Variants in EPHB1 observed in about 807,000 individuals in gnomAD.
EPHB1 encodes the protein ephrin type-B receptor 1.
Under a neutral mutation model 94.4 loss-of-function variants are expected in EPHB1, and 30 were observed. The ratio of observed to expected loss-of-function variants is 0.32; its 90% CI spans 0.24 to 0.43. The LOEUF (loss-of-function observed/expected upper bound fraction) is 0.43, where lower values mean the gene tolerates loss of function less well. EPHB1 is among the 20% of genes least tolerant of loss of function. The pLI, the probability that EPHB1 is intolerant of heterozygous loss-of-function variation, is 1.00. For synonymous variants in EPHB1, 522 were observed against 489.1 expected, an observed-to-expected ratio of 1.07 and a Z score of -0.89; for missense variants, 1,055 against 1,308.3, an observed-to-expected ratio of 0.81 and a Z score of 2.99.
At chr3:135,250,018 C>T (rs1301371618) in intron 15 of EPHB1, among the ~76,000 whole-genome samples, 1 of 152,132 alleles carries the variant, frequency 6.6e-6, no homozygotes, top group East Asian at 1.9e-4. Flanking sequence ...AAGACGAGAG[C>T]CAGAAAGAGT....
intron 1 of EPHB1, among the ~76,000 whole-genome samples, chr3:134,841,822 G>C (rs374758496): frequency 6.6e-6 from 1 of 152,198 alleles, no homozygotes; most frequent in Non-Finnish European, 1.5e-5. Context: ...GTCTGGCATA[G>C]TCTGGATTTA....
intron 12 of EPHB1, among the ~76,000 whole-genome samples, chr3:135,226,429 C>T (rs542063677): frequency 6.6e-6 from 1 of 152,302 alleles, no homozygotes; most frequent in African/African-American, 2.4e-5. Flanking sequence ...CAGACATGCC[C>T]CTGGAGATCT....
intron 1 of EPHB1, among the ~76,000 whole-genome samples, chr3:134,923,870 C>G (rs968963234): frequency 2.0e-5 from 3 of 152,078 alleles, no homozygotes; most frequent in Non-Finnish European, 4.4e-5. Context: ...GAAGGGGAGG[C>G]AGTGGGAAGG....
At chr3:134,872,868 A>G (rs1002944675) in intron 1 of EPHB1, among the ~76,000 whole-genome samples, 1 of 152,194 alleles carries the variant, frequency 6.6e-6, no homozygotes, top group Non-Finnish European at 1.5e-5. Context: ...TCCCTTGTCT[A>G]GTACGGAGCC....
chr3:135,212,469 T>A (rs1943053339), intron 12 of EPHB1, among the ~76,000 whole-genome samples: 1 of 152,232 alleles, frequency 6.6e-6, no homozygotes, highest in Non-Finnish European at 1.5e-5. Context: ...ATTAACTTGG[T>A]TAGACTCAAT....
chr3:134,888,706 CAAAA>C (rs55786916), intron 1 of EPHB1, among the ~76,000 whole-genome samples: 1 of 109,696 alleles, frequency 9.1e-6, no homozygotes, highest in Non-Finnish European at 1.8e-5. Context: ...GACTCCATCT[CAAAA>C]AAAAAAAAAA....
chr3:135,127,966 A>G (rs139416536), intron 4 of EPHB1, among the ~76,000 whole-genome samples: 258 of 152,274 alleles, frequency 1.7e-3, no homozygotes, highest in Middle Eastern at 6.8e-3. Flanking sequence ...TCACAGCTCA[A>G]CACTTCTCCC....
At chr3:135,037,223 C>T (rs1936675040) in intron 3 of EPHB1, among the ~76,000 whole-genome samples, 2 of 152,158 alleles carry the variant, frequency 1.3e-5, no homozygotes, top group Non-Finnish European at 2.9e-5. Flanking sequence ...CAGATGCACT[C>T]TGAAAATGAA....
At chr3:135,027,376 T>C (rs1220283425) in intron 3 of EPHB1, among the ~76,000 whole-genome samples, 1 of 145,962 alleles carries the variant, frequency 6.9e-6, no homozygotes, top group East Asian at 2.1e-4. Context: ...CTTATTATTT[T>C]GAAATACGTC....
At chr3:134,813,706 C>T (rs1321819881) in intron 1 of EPHB1, among the ~76,000 whole-genome samples, 1 of 152,194 alleles carries the variant, frequency 6.6e-6, no homozygotes, top group Non-Finnish European at 1.5e-5. Context: ...TCTTAGCTTT[C>T]AATGACAGTC....
intron 5 of EPHB1, among the ~76,000 whole-genome samples, chr3:135,138,615 T>C (rs549477102): frequency 6.6e-6 from 1 of 152,310 alleles, no homozygotes; most frequent in East Asian, 1.9e-4. Flanking sequence ...GCTGTGCTTA[T>C]TGGAAATTAG....
chr3:135,112,067 G>A (rs777115323), intron 4 of EPHB1, among the ~76,000 whole-genome samples: 1 of 152,204 alleles, frequency 6.6e-6, no homozygotes, highest in Non-Finnish European at 1.5e-5. Context: ...GGAGAGAAGC[G>A]AATGGAAACC....
At chr3:135,136,934 G>A (rs1345544723) in intron 5 of EPHB1, among the ~76,000 whole-genome samples, 1 of 152,200 alleles carries the variant, frequency 6.6e-6, no homozygotes, top group Non-Finnish European at 1.5e-5. Context: ...GTGATCTGCA[G>A]AGAGATTGTT....
intron 3 of EPHB1, among the ~76,000 whole-genome samples, chr3:134,976,698 T>C (rs1046154721): frequency 6.6e-6 from 1 of 152,068 alleles, no homozygotes; most frequent in African/African-American, 2.4e-5. Flanking sequence ...AACAACCTTA[T>C]ATGCAAAACT....
At chr3:135,144,677 G>T (rs949978931) in intron 5 of EPHB1, among the ~76,000 whole-genome samples, 2 of 151,862 alleles carry the variant, frequency 1.3e-5, no homozygotes, top group African/African-American at 4.8e-5. Flanking sequence ...CCTTTGGCAC[G>T]GAACCGAAAC....
chr3:135,005,559 C>G (rs548507791), intron 3 of EPHB1, among the ~76,000 whole-genome samples: 354 of 152,330 alleles, frequency 2.3e-3, no homozygotes, highest in East Asian at 7.1e-3. Context: ...CCCCCAGCCT[C>G]GCTGCTGCCT....
At chr3:134,993,904 T>C (rs1247715859) in intron 3 of EPHB1, among the ~76,000 whole-genome samples, 3 of 152,232 alleles carry the variant, frequency 2.0e-5, no homozygotes, top group Non-Finnish European at 4.4e-5. Flanking sequence ...AACTGTCACC[T>C]CTGGGCTGTC....
At chr3:134,940,032 T>C (rs968643188) in intron 2 of EPHB1, among the ~76,000 whole-genome samples, 7 of 152,166 alleles carry the variant, frequency 4.6e-5, no homozygotes, top group African/African-American at 1.4e-4. Flanking sequence ...AGAGAGCCTA[T>C]GATGAAACAG....
intron 1 of EPHB1, among the ~76,000 whole-genome samples, chr3:134,813,882 C>T (rs2036219609): frequency 6.6e-6 from 1 of 152,178 alleles, no homozygotes. Context: ...TCAGCTGGGC[C>T]CTGTGTCACT....
Sources: allele counts gnomAD v4.1 joint callset (sites outside exome capture counted in the v4.1 genomes callset), GRCh38; gene constraint gnomAD v4.1.1; transcripts MANE v1.5; gene names NCBI Gene and HGNC (gene_info 2026-07-23, HGNC 2026-07-21).